The following OLFM3 variants were observed in gnomAD, a reference collection of about 807,000 sequenced individuals.
OLFM3 encodes noelin-3.
Under a neutral mutation model 48.6 loss-of-function variants are expected in OLFM3, and 20 were observed. The ratio of observed to expected loss-of-function variants is 0.41; its 90% CI spans 0.29 to 0.60. The LOEUF is 0.60. Among genes scored for constraint, OLFM3 ranks in the 20% least tolerant of loss-of-function variants. The probability of loss-of-function intolerance (pLI) is 0.28; values close to 1 mark genes in which losing one functional copy is unlikely to be tolerated. For synonymous variants in OLFM3, 222 were observed against 198.1 expected, an observed-to-expected ratio of 1.12 and a Z score of -1.01; for missense variants, 437 against 544.3, an observed-to-expected ratio of 0.80 and a Z score of 1.96.
In OLFM3 at chr1:101,836,968, C is replaced by G; in HGVS notation, c.127G>C (p.Gly43Arg). 1 of 1,614,112 alleles carries G rather than the reference C, an allele frequency of 6.2e-7. No individual in the cohort carries two copies. The highest frequency in any genetic ancestry group is 8.5e-7 in the Non-Finnish European group (1 of 1,180,000). Residue 43 changes from glycine (G) to arginine (R), a missense_variant, in exon 2 of 6, where the codon GGG becomes CGG. Physicochemically the swap from Gly to Arg is moderately radical, Grantham distance 125 (BLOSUM62 -2). Coordinates refer to ENST00000370103, the MANE Select transcript of OLFM3 (RefSeq NM_058170.4). ...QVYSSAQDPD[G>R]RCICTVVAPE... ...GCAACAACTGTGCAAATGCACCGCC[C>G]ATCAGGATCCTGAGCTGAGCTGTAC...
At chr1:101,899,719 T>C (rs1389733121) in intron 1 of OLFM3, among the ~76,000 whole-genome samples, 1 of 152,160 alleles carries the variant, frequency 6.6e-6, no homozygotes, top group African/African-American at 2.4e-5. Context: ...AAGAATAATT[T>C]GAATTGTAAA....
chr1:101,947,097 C>T (rs536352349), intron 1 of OLFM3, among the ~76,000 whole-genome samples: 42 of 152,234 alleles, frequency 2.8e-4, no homozygotes, highest in African/African-American at 8.4e-4. Context: ...TAATTATTTG[C>T]TATACTTTCC....
intron 1 of OLFM3, among the ~76,000 whole-genome samples, chr1:101,857,138 C>T (rs1570567483): frequency 1.3e-5 from 2 of 151,938 alleles, no homozygotes; most frequent in East Asian, 3.9e-4. Flanking sequence ...TGTCAATGTA[C>T]ATCTGTTTCC....
intron 1 of OLFM3, among the ~76,000 whole-genome samples, chr1:101,922,784 T>G (rs1257780176): frequency 6.6e-6 from 1 of 152,204 alleles, no homozygotes; most frequent in Non-Finnish European, 1.5e-5. Context: ...TATCACAATG[T>G]GCCTATGAAT....
At chr1:101,888,176 G>A (rs141916206) in intron 1 of OLFM3, among the ~76,000 whole-genome samples, 2,015 of 152,174 alleles carry the variant, frequency 0.013, 52 homozygotes, top group African/African-American at 0.045. Flanking sequence ...AACCAAAAGA[G>A]AGCCTGCATT....
intron 1 of OLFM3, among the ~76,000 whole-genome samples, chr1:101,945,349 T>C (rs1659927901): frequency 6.6e-6 from 1 of 152,202 alleles, no homozygotes; most frequent in African/African-American, 2.4e-5. Flanking sequence ...ACTATTGATA[T>C]ACACAACAAT....
At chr1:101,989,091 T>C (rs147396573) in intron 1 of OLFM3, among the ~76,000 whole-genome samples, 14 of 152,184 alleles carry the variant, frequency 9.2e-5, no homozygotes, top group Non-Finnish European at 2.1e-4. Context: ...GGGAAGAATT[T>C]GTGGAAAAAG....
chr1:101,852,741 A>C (rs1408418662), intron 1 of OLFM3, among the ~76,000 whole-genome samples: 1 of 152,118 alleles, frequency 6.6e-6, no homozygotes, highest in East Asian at 1.9e-4. Context: ...AAAAATACAC[A>C]TGCAGCCATT....
At chr1:101,986,421 A>G (rs192219052) in intron 1 of OLFM3, among the ~76,000 whole-genome samples, 205 of 152,298 alleles carry the variant, frequency 1.3e-3, no homozygotes, top group Non-Finnish European at 1.9e-3. Flanking sequence ...AGATAATTAC[A>G]GAGCAGTTGT....
At position 101,802,823 on chromosome 1, in the gene OLFM3, A is replaced by G. The variant is rs1421596925; in HGVS notation, c.*1415T>C. On this transcript the variant is annotated 3_prime_UTR_variant, in exon 6 of 6. Coordinates refer to ENST00000370103, the MANE Select transcript of OLFM3 (RefSeq NM_058170.4). ...ACTTTTTAAATTGTAAAACCAACCT[A>G]TATTAGTTTCCATAAAGCTGCCTTA... 6.6e-6 allele frequency: 1 copy of G among 151,638 alleles called. No homozygotes were observed. Among genetic ancestry groups the G allele is most frequent in the Non-Finnish European group, 1.5e-5 (1 of 67,708 alleles). 9.4% of individuals were successfully genotyped at this position (151,638 alleles called of 1,614,324 possible).
At chr1:101,976,012 A>G (rs1460789209) in intron 1 of OLFM3, among the ~76,000 whole-genome samples, 1 of 152,222 alleles carries the variant, frequency 6.6e-6, no homozygotes, top group Non-Finnish European at 1.5e-5. Flanking sequence ...AGTGGACATT[A>G]TTAAATTCTA....
At chr1:101,848,984 A>G (rs950819815) in intron 1 of OLFM3, among the ~76,000 whole-genome samples, 2 of 152,174 alleles carry the variant, frequency 1.3e-5, no homozygotes, top group African/African-American at 4.8e-5. Flanking sequence ...AATTATAAAG[A>G]AAGGAAGAAA....
At chr1:101,964,559 G>C (rs758807473) in intron 1 of OLFM3, among the ~76,000 whole-genome samples, 1 of 152,190 alleles carries the variant, frequency 6.6e-6, no homozygotes, top group African/African-American at 2.4e-5. Flanking sequence ...ACTTTAAATG[G>C]ATCTTCACCA....
chr1:101,952,707 A>G (rs1383121811), intron 1 of OLFM3, among the ~76,000 whole-genome samples: 4 of 152,100 alleles, frequency 2.6e-5, no homozygotes, highest in African/African-American at 9.7e-5. Context: ...TGATACAACC[A>G]CTTACCAATG....
At chr1:101,902,782 C>T (rs370144077) in intron 1 of OLFM3, among the ~76,000 whole-genome samples, 4 of 152,092 alleles carry the variant, frequency 2.6e-5, no homozygotes, top group East Asian at 1.9e-4. Flanking sequence ...ATCTTTCCAA[C>T]AGCTCCATGG....
At chr1:101,847,082 A>G (rs1656033800) in intron 1 of OLFM3, 1 of 1,423,402 alleles carries the variant, frequency 7.0e-7, no homozygotes, top group South Asian at 1.7e-5. Flanking sequence ...AAAAGAGATC[A>G]ACTTCCCCAG....
intron 1 of OLFM3, among the ~76,000 whole-genome samples, chr1:101,924,163 A>G (rs1039223377): frequency 9.2e-5 from 14 of 152,162 alleles, no homozygotes; most frequent in Non-Finnish European, 4.4e-5. Flanking sequence ...GTTAAATTTA[A>G]ACATCAATTG....
chr1:101,913,545 C>G (rs1658825893), intron 1 of OLFM3, among the ~76,000 whole-genome samples: 1 of 152,112 alleles, frequency 6.6e-6, no homozygotes, highest in African/African-American at 2.4e-5. Context: ...CCTACTTCCA[C>G]TTTAGAACTG....
chr1:101,909,341 T>C (rs1185988883), intron 1 of OLFM3, among the ~76,000 whole-genome samples: 2 of 152,284 alleles, frequency 1.3e-5, no homozygotes, highest in African/African-American at 2.4e-5. Flanking sequence ...ACTCTATTTG[T>C]AATTATTTGA....
Sources: allele counts gnomAD v4.1 joint callset (sites outside exome capture counted in the v4.1 genomes callset), GRCh38; gene constraint gnomAD v4.1.1; transcripts MANE v1.5; gene names NCBI Gene and HGNC (gene_info 2026-07-23, HGNC 2026-07-21).